TUSC3: variants seen among roughly 807,000 people sequenced by gnomAD.
TUSC3 encodes dolichyl-diphosphooligosaccharide--protein glycosyltransferase subunit TUSC3.
TUSC3 carries 45 observed loss-of-function variants against 44.8 expected under a neutral mutation model. That is an observed-to-expected ratio of 1.00 (90% CI 0.79 to 1.29). The LOEUF (loss-of-function observed/expected upper bound fraction) is 1.29, where lower values mean the gene tolerates loss of function less well. Among genes scored for constraint, TUSC3 ranks in the 50% most tolerant of loss-of-function variants. The pLI is 0.00. For synonymous variants in TUSC3, 212 were observed against 152.9 expected, an observed-to-expected ratio of 1.39 and a Z score of -2.85; for missense variants, 519 against 437.9, an observed-to-expected ratio of 1.19 and a Z score of -1.65.
intron 1 of TUSC3, among the ~76,000 whole-genome samples, chr8:15,428,994 T>G (rs1002173373): frequency 2.4e-4 from 37 of 152,222 alleles, no homozygotes; most frequent in African/African-American, 8.9e-4. Context: ...ATTTGTCAAT[T>G]TTGACTTCTG....
intron 1 of TUSC3, among the ~76,000 whole-genome samples, chr8:15,464,550 G>A (rs1465532951): frequency 1.3e-5 from 2 of 152,090 alleles, no homozygotes; most frequent in Non-Finnish European, 1.5e-5. Flanking sequence ...TTAAAATAAA[G>A]TTATTCAATA....
intron 1 of TUSC3, among the ~76,000 whole-genome samples, chr8:15,549,249 T>A (rs1801972081): frequency 6.6e-6 from 1 of 151,710 alleles, no homozygotes; most frequent in South Asian, 2.1e-4. Flanking sequence ...TCTCTGCTCA[T>A]TGCAACCCCT....
chr8:15,513,076 A>T lies in TUSC3; in HGVS notation n.189+29593A>T, dbSNP rs540555885. 9.3e-5 allele frequency among the ~76,000 whole-genome samples: 14 copies of T among 151,214 alleles called. No homozygotes were observed. In the South Asian group the frequency reaches 2.9e-3, roughly 31 times the overall value. On this transcript the variant is annotated intron_variant and non_coding_transcript_variant, in intron 2 of 5. Transcript: ENST00000503191. ...AGTTAGGAATTACAATTGTAACGTT[A>T]CCAAAATTATTACTCGAAAAATTAA... is the stretch of plus-strand genomic sequence containing the variant.
rs1175886971 is a variant in TUSC3, at chr8:15,478,312, A to T, written n.92-5074A>T. ...TTAAGTTCTGGGATACATGTACAGG[A>T]TGTGCAGGGTTTTTACATAAGTATA... On this transcript the variant is annotated intron_variant and non_coding_transcript_variant, in intron 1 of 5. Coordinates refer to the TUSC3 transcript ENST00000503191. Among the ~76,000 whole-genome samples, 4 of 151,940 alleles carry T rather than the reference A, an allele frequency of 2.6e-5. No homozygotes were observed. The South Asian group carries it at 8.3e-4, about 32-fold the overall frequency.
At chr8:15,795,137 A>T in the TUSC3 span, among the ~76,000 whole-genome samples, 5 of 152,254 alleles carry the variant, frequency 3.3e-5, no homozygotes, top group East Asian at 7.7e-4. Flanking sequence ...AGTGACCTCA[A>T]TCATGGCTCC....
the TUSC3 span, among the ~76,000 whole-genome samples, chr8:15,799,619 G>T: frequency 6.6e-6 from 1 of 152,148 alleles, no homozygotes; most frequent in South Asian, 2.1e-4. Context: ...ATACAATTTG[G>T]TCAACATATT....
chr8:15,546,754 G>C (rs1987867), intron 1 of TUSC3, among the ~76,000 whole-genome samples: 123,966 of 151,280 alleles, frequency 0.82, 51,675 homozygotes, highest in Non-Finnish European at 0.87. Context: ...AGGCTGGTCT[G>C]TAACTCCCGA....
chr8:15,473,186 A>C (rs1800519307), intron 1 of TUSC3, among the ~76,000 whole-genome samples: 1 of 152,206 alleles, frequency 6.6e-6, no homozygotes, highest in South Asian at 2.1e-4. Flanking sequence ...CATTTTCACC[A>C]TGGTGAGTTG....
chr8:15,772,069 A>G, the TUSC3 span, among the ~76,000 whole-genome samples: 1 of 152,146 alleles, frequency 6.6e-6, no homozygotes, highest in African/African-American at 2.4e-5. Flanking sequence ...AGCCTGGGCC[A>G]CAGAGCAAGA....
rs145005982 is a variant in TUSC3, at chr8:15,617,813, C to G, written c.139-5267C>G. On this transcript the variant is annotated intron_variant, in intron 1 of 10. Transcript: ENST00000503731. ...AACCATCCTCCCAACCCTGGCTGAT[C>G]ATTTAAAAATATGTAAGGCAGAAAC... Among the ~76,000 whole-genome samples the G allele has an allele frequency of 2.7e-3, 411 of 152,236 alleles. 2 individuals are homozygous for G. The highest frequency in any genetic ancestry group is 9.5e-3 in the African/African-American group (393 of 41,548).
intron 5 of TUSC3, among the ~76,000 whole-genome samples, chr8:15,666,322 C>G (rs1261802699): frequency 6.6e-6 from 1 of 151,254 alleles, no homozygotes; most frequent in Non-Finnish European, 1.5e-5. Context: ...ATGTAATAAC[C>G]CAACCTTATT....
chr8:15,720,315 C>G (rs537449891), intron 6 of TUSC3, among the ~76,000 whole-genome samples: 1 of 151,448 alleles, frequency 6.6e-6, no homozygotes, highest in Non-Finnish European at 1.5e-5. Flanking sequence ...TCATCTGTAG[C>G]CTTCAAATAG....
intron 1 of TUSC3, among the ~76,000 whole-genome samples, chr8:15,545,381 T>TA (rs375303897): frequency 2.6e-5 from 4 of 151,782 alleles, no homozygotes; most frequent in Admixed American, 1.3e-4. Context: ...CCAAGGTCTT[T>TA]AAAAATGGGC....
chr8:15,602,350 C>G (rs1418007152), intron 1 of TUSC3, among the ~76,000 whole-genome samples: 1 of 151,650 alleles, frequency 6.6e-6, no homozygotes, highest in Admixed American at 6.6e-5. Flanking sequence ...TCTGGACAAA[C>G]TTCCATCATG....
intron 1 of TUSC3, among the ~76,000 whole-genome samples, chr8:15,609,692 A>G (rs550661117): frequency 1.3e-5 from 2 of 152,196 alleles, no homozygotes; most frequent in African/African-American, 4.8e-5. Context: ...GTCTCTTGAT[A>G]GTAGGGTATT....
chr8:15,655,738 C>T (rs899947998), intron 3 of TUSC3, among the ~76,000 whole-genome samples: 2 of 152,174 alleles, frequency 1.3e-5, no homozygotes, highest in African/African-American at 4.8e-5. Context: ...TTCACCACTG[C>T]TAACACTAAT....
intron 3 of TUSC3, among the ~76,000 whole-genome samples, chr8:15,654,085 G>C (rs568165787): frequency 1.3e-5 from 2 of 152,196 alleles, no homozygotes; most frequent in South Asian, 4.1e-4. Context: ...TGGGGAATTG[G>C]GCATTTTAAT....
chr8:15,482,585 A>G (rs1800676915), intron 1 of TUSC3, among the ~76,000 whole-genome samples: 1 of 152,230 alleles, frequency 6.6e-6, no homozygotes, highest in South Asian at 2.1e-4. Flanking sequence ...ATGAAGATGT[A>G]TAAGAAGATT....
At chr8:15,574,991 G>A (rs1412123772) in intron 1 of TUSC3, among the ~76,000 whole-genome samples, 5 of 151,976 alleles carry the variant, frequency 3.3e-5, no homozygotes, top group Admixed American at 2.0e-4. Context: ...ACTTTGGGGT[G>A]GTTCTTTTTC....
Sources: allele counts gnomAD v4.1 joint callset (sites outside exome capture counted in the v4.1 genomes callset), GRCh38; gene constraint gnomAD v4.1.1; transcripts MANE v1.5; gene names NCBI Gene and HGNC (gene_info 2026-07-23, HGNC 2026-07-21).